PDE4B: variants seen among roughly 807,000 people sequenced by gnomAD.
PDE4B encodes 3',5'-cyclic-AMP phosphodiesterase 4B.
In PDE4B, 20 loss-of-function variants were observed where a neutral mutation model predicts 82.2. The observed-to-expected ratio is 0.24, with a 90% CI of 0.17 to 0.35. The LOEUF is 0.35. PDE4B is among the 10% of genes least tolerant of loss of function. The pLI is 1.00. For missense variants in PDE4B, 655 were observed against 907.2 expected, an observed-to-expected ratio of 0.72 and a Z score of 3.57; for synonymous variants, 320 against 318.9, an observed-to-expected ratio of 1.00 and a Z score of -0.04.
At chr1:66,138,418 C>T (rs1027839049) in intron 3 of PDE4B, among the ~76,000 whole-genome samples, 2 of 152,106 alleles carry the variant, frequency 1.3e-5, no homozygotes, top group African/African-American at 2.4e-5. Flanking sequence ...ACTTGGGAGG[C>T]TGAGGCAGGA....
chr1:65,966,001 C>G (rs1427941416), intron 3 of PDE4B, among the ~76,000 whole-genome samples: 1 of 152,098 alleles, frequency 6.6e-6, no homozygotes, highest in Non-Finnish European at 1.5e-5. Context: ...GAAAGGATGC[C>G]CTCTCTCACC....
At chr1:65,890,825 A>G (rs1420367693) in intron 1 of PDE4B, among the ~76,000 whole-genome samples, 3 of 152,086 alleles carry the variant, frequency 2.0e-5, no homozygotes, top group African/African-American at 7.2e-5. Flanking sequence ...ACACACACAT[A>G]TACACACACA....
intron 8 of PDE4B, chr1:66,354,940 C>A (rs1030289245): frequency 1.3e-6 from 2 of 1,502,480 alleles, no homozygotes; most frequent in Non-Finnish European, 1.8e-6. Context: ...AAATGTGAAA[C>A]GTACCTCTGT....
At chr1:66,110,005 G>A (rs1234413686) in intron 3 of PDE4B, among the ~76,000 whole-genome samples, 1 of 151,894 alleles carries the variant, frequency 6.6e-6, no homozygotes, top group Non-Finnish European at 1.5e-5. Context: ...GAAAGATCAT[G>A]TAATTAATTG....
intron 3 of PDE4B, among the ~76,000 whole-genome samples, chr1:66,130,000 G>C (rs1356426754): frequency 6.6e-6 from 1 of 152,198 alleles, no homozygotes; most frequent in African/African-American, 2.4e-5. Context: ...AAAACATTCT[G>C]TGAGAGTTTG....
intron 1 of PDE4B, among the ~76,000 whole-genome samples, chr1:65,874,531 C>T (rs1646615331): frequency 6.6e-6 from 1 of 152,172 alleles, no homozygotes; most frequent in Admixed American, 6.6e-5. Flanking sequence ...CATCACACTA[C>T]CTGACTTCAA....
At chr1:65,979,771 C>G (rs185606830) in intron 3 of PDE4B, among the ~76,000 whole-genome samples, 3 of 152,292 alleles carry the variant, frequency 2.0e-5, no homozygotes, top group East Asian at 1.9e-4. Context: ...AACATCAGCT[C>G]TATGCCAGAC....
At chr1:65,832,824 T>C (rs925982270) in intron 1 of PDE4B, among the ~76,000 whole-genome samples, 3 of 152,198 alleles carry the variant, frequency 2.0e-5, no homozygotes, top group Non-Finnish European at 4.4e-5. Flanking sequence ...TTTTAAAAGA[T>C]CTGACTGAGT....
intron 3 of PDE4B, among the ~76,000 whole-genome samples, chr1:65,962,741 C>G (rs1649605393): frequency 6.6e-6 from 1 of 152,130 alleles, no homozygotes; most frequent in South Asian, 2.1e-4. Flanking sequence ...TGTTGCATTT[C>G]CAGTTCTTTA....
chr1:66,262,920 A>T (rs932047079), intron 6 of PDE4B, among the ~76,000 whole-genome samples: 1 of 152,216 alleles, frequency 6.6e-6, no homozygotes, highest in Admixed American at 6.5e-5. Context: ...GTGATTTGAC[A>T]CGCTATAAAG....
intron 3 of PDE4B, among the ~76,000 whole-genome samples, chr1:66,127,367 G>A (rs932292439): frequency 5.3e-5 from 8 of 152,034 alleles, no homozygotes; most frequent in Admixed American, 4.6e-4. Context: ...GTCTTTACAC[G>A]TTAGGGATAC....
At chr1:66,104,021 C>T (rs140359994) in intron 3 of PDE4B, among the ~76,000 whole-genome samples, 108 of 151,938 alleles carry the variant, frequency 7.1e-4, no homozygotes, top group African/African-American at 2.5e-3. Flanking sequence ...ATGAGCCATG[C>T]TGGTGTGCTG....
chr1:65,853,489 AT>A (rs1646354710), intron 1 of PDE4B, among the ~76,000 whole-genome samples: 1 of 148,512 alleles, frequency 6.7e-6, no homozygotes, highest in African/African-American at 2.5e-5. Flanking sequence ...ATTTAAAAAT[AT>A]TTTGTGTTAT....
At chr1:66,113,105 T>A (rs1351758449) in intron 3 of PDE4B, among the ~76,000 whole-genome samples, 1 of 152,206 alleles carries the variant, frequency 6.6e-6, no homozygotes, top group Non-Finnish European at 1.5e-5. Flanking sequence ...TTGAATCAAG[T>A]GTGCGAATTG....
intron 3 of PDE4B, among the ~76,000 whole-genome samples, chr1:65,973,091 GAA>G (rs974017571): frequency 2.6e-5 from 4 of 151,642 alleles, no homozygotes; most frequent in Non-Finnish European, 4.4e-5. Flanking sequence ...ACAATATTAG[GAA>G]AAAAAATCAG....
intron 3 of PDE4B, among the ~76,000 whole-genome samples, chr1:66,214,435 T>G (rs1328235036): frequency 2.0e-5 from 3 of 152,146 alleles, no homozygotes; most frequent in Admixed American, 2.0e-4. Flanking sequence ...AATTCTTGTT[T>G]TCTCAGCACT....
At chr1:66,098,084 A>G (rs1645152462) in intron 3 of PDE4B, among the ~76,000 whole-genome samples, 1 of 152,024 alleles carries the variant, frequency 6.6e-6, no homozygotes, top group Non-Finnish European at 1.5e-5. Flanking sequence ...ATGAATTAAG[A>G]CTAACTCTAT....
intron 16 of PDE4B, among the ~76,000 whole-genome samples, chr1:66,371,999 T>C (rs770238537): frequency 3.9e-5 from 6 of 152,218 alleles, no homozygotes; most frequent in Non-Finnish European, 8.8e-5. Flanking sequence ...TGGAATCAGA[T>C]GAAGCTGGGA....
intron 3 of PDE4B, among the ~76,000 whole-genome samples, chr1:65,954,175 C>G (rs116835630): frequency 0.012 from 1,866 of 152,158 alleles, 37 homozygotes; most frequent in African/African-American, 0.042. Flanking sequence ...AGGATTACAG[C>G]TGTGAGCCAC....
Sources: allele counts gnomAD v4.1 joint callset (sites outside exome capture counted in the v4.1 genomes callset), GRCh38; gene constraint gnomAD v4.1.1; transcripts MANE v1.5; gene names NCBI Gene and HGNC (gene_info 2026-07-23, HGNC 2026-07-21).